ADSL: variants seen among roughly 807,000 people sequenced by gnomAD.
The protein encoded by ADSL is adenylosuccinase.
In ADSL, 44 loss-of-function variants were observed where a neutral mutation model predicts 62.1. The ratio of observed to expected loss-of-function variants is 0.71; its 90% CI spans 0.56 to 0.91. The LOEUF is 0.91. Ranked by LOEUF, ADSL falls within the 40% of genes least tolerant of loss-of-function variation. The pLI, the probability that ADSL is intolerant of heterozygous loss-of-function variation, is 0.00. For missense variants in ADSL, 531 were observed against 627.4 expected, an observed-to-expected ratio of 0.85 and a Z score of 1.64; for synonymous variants, 198 against 220.5, an observed-to-expected ratio of 0.90 and a Z score of 0.90.
rs767005918 is a variant in ADSL at position 40,349,867 on chromosome 22, G to A, written c.189G>A (p.Gln63=). ...LGLPITDEQI[Q]EMKSNLENID... Reference sequence around the variant, plus strand: ...TGCCTATCACAGATGAACAAATCCAGGAGATGAAATCAAACCTGGAGAACA... The same window carrying A: ...TGCCTATCACAGATGAACAAATCCAAGAGATGAAATCAAACCTGGAGAACA... Residue 63 remains glutamine (Q), a synonymous_variant, in exon 2 of 13, where the codon CAG becomes CAA. Transcript: ENST00000623063. 3.7e-6 allele frequency: 6 copies of A among 1,614,154 alleles called. No individual in the cohort carries two copies. Among genetic ancestry groups the A allele is most frequent in the Non-Finnish European group, 5.1e-6 (6 of 1,180,050 alleles).
intron 2 of ADSL, among the ~76,000 whole-genome samples, chr22:40,381,090 G>A (rs925633891): frequency 6.6e-6 from 1 of 152,186 alleles, no homozygotes; most frequent in African/African-American, 2.4e-5. Context: ...AAAGGTTATA[G>A]AAACATTTTA....
intron 11 of ADSL, 24 bp downstream of exon 11, chr22:40,364,389 G>A (rs375989742): frequency 5.0e-6 from 8 of 1,604,956 alleles, no homozygotes; most frequent in Non-Finnish European, 6.8e-6. Flanking sequence ...CATGTTCCTG[G>A]ATAAGTTGAG....
chr22:40,374,497 G>T (rs1239678562), intron 2 of ADSL, among the ~76,000 whole-genome samples: 1 of 152,178 alleles, frequency 6.6e-6, no homozygotes, highest in East Asian at 1.9e-4. Flanking sequence ...TGTAATACTT[G>T]CCTGCAATGT....
chr22:40,367,744 G>C lies in ADSL; in HGVS notation c.*1222G>C, dbSNP rs2146681383. ...TGAAAATGAAAGCTTTTGTTTATCA[G>C]ATTTGCAGATGACACAAAACTGGGA... On this transcript the variant is annotated 3_prime_UTR_variant, in exon 13 of 13. Coordinates refer to ENST00000623063, the MANE Select transcript of ADSL (RefSeq NM_000026.4). 6.3e-6 allele frequency: 1 copy of C among 159,460 alleles called. No individual in the cohort carries two copies. Among genetic ancestry groups the C allele is most frequent in the African/African-American group, 2.4e-5 (1 of 41,566 alleles). The allele number at this position is 159,460 out of a possible 1,614,324, so 9.9% of individuals were successfully genotyped here. A position where few individuals can be genotyped will look rare whatever the true frequency, so the allele number is the denominator to read the frequency against.
downstream of ADSL, among the ~76,000 whole-genome samples, chr22:40,371,271 C>G (rs1416829107): frequency 6.6e-6 from 1 of 152,186 alleles, no homozygotes; most frequent in Non-Finnish European, 1.5e-5. Context: ...TATTCTCATA[C>G]TTAGTTTACT....
intron 2 of ADSL, among the ~76,000 whole-genome samples, chr22:40,384,383 G>T (rs1601823043): frequency 6.6e-6 from 1 of 152,128 alleles, no homozygotes; most frequent in East Asian, 1.9e-4. Flanking sequence ...AGGAAACACA[G>T]ATTTTAAGCC....
rs375372755 is a variant in ADSL at position 40,355,950 on chromosome 22, G to A, written c.482+1623G>A. 6.3e-4 allele frequency among the ~76,000 whole-genome samples: 96 copies of A among 151,404 alleles called. 1 individual carries two copies. Among genetic ancestry groups the A allele is most frequent in the Non-Finnish European group, 6.0e-4 (41 of 67,900 alleles). ...GCCTGTAATCCCAGCACTTTGGGAG[G>A]CCAAGGTGGGTGGATCACCTGAGGT... On this transcript the variant is annotated intron_variant, in intron 4 of 12. Coordinates refer to ENST00000623063, the MANE Select transcript of ADSL (RefSeq NM_000026.4).
Position 40,350,013 on chromosome 22 carries a change from C to G in ADSL, c.335C>G (p.Ser112Cys). 6.2e-7 allele frequency: 1 copy of G among 1,613,986 alleles called. No homozygotes were observed. The highest frequency in any genetic ancestry group is 8.5e-7 in the Non-Finnish European group (1 of 1,179,884). Residue 112 changes from serine (S) to cysteine (C), a missense_variant, in exon 2 of 13, where the codon TCT becomes TGT. Physicochemically the swap from Ser to Cys is moderately radical, Grantham distance 112 (BLOSUM62 -1). Around this residue, in one of 2 missense-constraint regions of ADSL, gnomAD observed 471 missense variants for 592.9 expected, o/e 0.79. Transcript: ENST00000623063. ...AAGIIHLGATSCYVGDNTDLI... is the reference protein window; with the variant it reads ...AAGIIHLGATCCYVGDNTDLI... ...GGCATTATTCACCTTGGTGCTACTT[C>G]TTGCTATGTTGGAGACAATACTGTA...
intron 5 of ADSL, 64 bp downstream of exon 5, chr22:40,359,099 C>T: frequency 1.9e-6 from 3 of 1,602,764 alleles, no homozygotes; most frequent in Non-Finnish European, 2.6e-6. Context: ...ACAAGGCTGC[C>T]TTTGAGGATG....
chr22:40,354,113 T>C (rs2044457984), intron 3 of ADSL, 135 bp from the exon 4 acceptor site: 5 of 860,488 alleles, frequency 5.8e-6, no homozygotes, highest in Non-Finnish European at 1.0e-5. Flanking sequence ...GGTACAAAGA[T>C]GGAAGGATAT....
downstream of ADSL, among the ~76,000 whole-genome samples, chr22:40,371,546 A>G (rs2045483164): frequency 6.6e-6 from 1 of 152,154 alleles, no homozygotes; most frequent in Admixed American, 6.5e-5. Context: ...TTTTTGTGAC[A>G]GGTTTGTGAT....
At chr22:40,378,949 G>C (rs1240893896) in intron 2 of ADSL, among the ~76,000 whole-genome samples, 1 of 151,652 alleles carries the variant, frequency 6.6e-6, no homozygotes, top group African/African-American at 2.4e-5. Flanking sequence ...TCTTTGTTTC[G>C]GACCTCTGCT....
intron 2 of ADSL, among the ~76,000 whole-genome samples, chr22:40,374,701 G>T (rs2046258826): frequency 6.6e-6 from 1 of 152,200 alleles, no homozygotes; most frequent in Non-Finnish European, 1.5e-5. Flanking sequence ...GGGCAACATG[G>T]CGAAATGCCA....
chr22:40,385,601 G>A (rs1203049905), intron 2 of ADSL, among the ~76,000 whole-genome samples: 1 of 152,196 alleles, frequency 6.6e-6, no homozygotes, highest in East Asian at 1.9e-4. Context: ...GGAAGTTGAG[G>A]AAGCTTAAGT....
chr22:40,361,703 A>T, intron 9 of ADSL, 68 bp downstream of exon 9: 1 of 1,581,638 alleles, frequency 6.3e-7, no homozygotes, highest in Non-Finnish European at 8.6e-7. Flanking sequence ...CTAGAAGTAA[A>T]AGGACATATT....
Position 40,366,940 on chromosome 22 carries a change from C to T in ADSL, c.*418C>T. The T allele has an allele frequency of 5.6e-6, 1 of 178,142 alleles. No homozygotes were observed. Among genetic ancestry groups the T allele is most frequent in the Non-Finnish European group, 1.2e-5 (1 of 86,126 alleles). 11.0% of individuals were successfully genotyped at this position (178,142 alleles called of 1,614,324 possible). A position where few individuals can be genotyped will look rare whatever the true frequency, so the allele number is the denominator to read the frequency against. On this transcript the variant is annotated 3_prime_UTR_variant, in exon 13 of 13. Transcript: ENST00000623063. ...TACCTTTTATTTCGGTTATTTTTGG[C>T]TAGTATAAGTGATGAAGTTTGGAAC...
intron 2 of ADSL, among the ~76,000 whole-genome samples, chr22:40,381,392 T>C (rs2047559796): frequency 6.6e-6 from 1 of 152,150 alleles, no homozygotes; most frequent in African/African-American, 2.4e-5. Flanking sequence ...CAAGTGATCC[T>C]TCTGCCTTGG....
chr22:40,364,082 A>T (rs1426301880), intron 10 of ADSL, among the ~76,000 whole-genome samples, 194 bp from the exon 11 acceptor site: 1 of 152,168 alleles, frequency 6.6e-6, no homozygotes, highest in Non-Finnish European at 1.5e-5. Flanking sequence ...GTCTCAAAAA[A>T]AAAAGAAAAA....
At chr22:40,366,178 G>A (rs2044997736) in intron 12 of ADSL, among the ~76,000 whole-genome samples, 1 of 152,130 alleles carries the variant, frequency 6.6e-6, no homozygotes, top group Admixed American at 6.6e-5. Context: ...TTTTAGGTTG[G>A]ATGGAAATGG....
Sources: allele counts gnomAD v4.1 joint callset (sites outside exome capture counted in the v4.1 genomes callset), GRCh38; gene constraint gnomAD v4.1.1; regional missense constraint gnomAD v4.1.1; transcripts MANE v1.5; gene names NCBI Gene and HGNC (gene_info 2026-07-23, HGNC 2026-07-21).